Variants in KCNQ3 observed in about 807,000 individuals in gnomAD.
KCNQ3 encodes the protein potassium voltage-gated channel subfamily KQT member 3.
KCNQ3 carries 30 observed loss-of-function variants against 92.5 expected under a neutral mutation model. That is an observed-to-expected ratio of 0.32 (90% confidence interval 0.24 to 0.44). The LOEUF (loss-of-function observed/expected upper bound fraction) is 0.44. Among genes scored for constraint, KCNQ3 ranks in the 20% least tolerant of loss-of-function variants. The probability of loss-of-function intolerance (pLI) is 1.00; values close to 1 mark genes in which losing one functional copy is unlikely to be tolerated. For missense variants in KCNQ3, 913 were observed against 1,140.3 expected (o/e 0.80, Z 2.87); for synonymous variants, 450 against 468.8 (o/e 0.96, Z 0.52).
chr8:132,274,501 A>T (rs1816263028), intron 1 of KCNQ3, among the ~76,000 whole-genome samples: 1 of 152,232 alleles, frequency 6.6e-6, no homozygotes, highest in Non-Finnish European at 1.5e-5. Context: ...CTAAATGAGA[A>T]TATGTACTCT....
At chr8:132,406,718 A>AT (rs1175412530) in intron 1 of KCNQ3, among the ~76,000 whole-genome samples, 1 of 152,218 alleles carries the variant, frequency 6.6e-6, no homozygotes, top group East Asian at 1.9e-4. Context: ...CATCAGTTTA[A>AT]TAATAAGTCA....
At chr8:132,423,341 T>C (rs1238402773) in intron 1 of KCNQ3, among the ~76,000 whole-genome samples, 3 of 152,222 alleles carry the variant, frequency 2.0e-5, no homozygotes, top group African/African-American at 7.2e-5. Flanking sequence ...GTCCACATTC[T>C]AGCAACCTCT....
chr8:132,392,395 CTAAA>C (rs1820071710), intron 1 of KCNQ3, among the ~76,000 whole-genome samples: 3 of 152,202 alleles, frequency 2.0e-5, no homozygotes, highest in African/African-American at 7.2e-5. Flanking sequence ...TCTCCTCTTC[CTAAA>C]TCTTCCCCGG....
At chr8:132,370,734 G>T (rs1013172993) in intron 1 of KCNQ3, among the ~76,000 whole-genome samples, 3 of 151,996 alleles carry the variant, frequency 2.0e-5, no homozygotes, top group African/African-American at 7.3e-5. Context: ...TGGTACTATT[G>T]GAAATAATAA....
At chr8:132,250,069 G>A (rs1224836621) in intron 1 of KCNQ3, among the ~76,000 whole-genome samples, 1 of 152,174 alleles carries the variant, frequency 6.6e-6, no homozygotes, top group African/African-American at 2.4e-5. Context: ...AGAGGGAGCC[G>A]GCTCCAGCCT....
chr8:132,400,591 C>T (rs1297253588), intron 1 of KCNQ3, among the ~76,000 whole-genome samples: 1 of 152,226 alleles, frequency 6.6e-6, no homozygotes, highest in African/African-American at 2.4e-5. Context: ...TCCAGCCAGG[C>T]TTCTGAGGAA....
intron 1 of KCNQ3, among the ~76,000 whole-genome samples, chr8:132,417,501 G>A (rs553737857): frequency 1.3e-5 from 2 of 152,314 alleles, no homozygotes; most frequent in East Asian, 3.9e-4. Context: ...GATTTGGAGA[G>A]GCAAACAGAA....
intron 1 of KCNQ3, among the ~76,000 whole-genome samples, chr8:132,400,970 A>AGG (rs1820316603): frequency 6.6e-6 from 1 of 152,202 alleles, no homozygotes; most frequent in African/African-American, 2.4e-5. Flanking sequence ...TAATTCCCCT[A>AGG]GCCTTTGCAG....
chr8:132,216,153 C>T (rs1002315886), intron 1 of KCNQ3, among the ~76,000 whole-genome samples: 3 of 152,098 alleles, frequency 2.0e-5, no homozygotes, highest in African/African-American at 7.2e-5. Context: ...AAATGGAAGG[C>T]TTTACAGAGA....
intron 4 of KCNQ3, among the ~76,000 whole-genome samples, chr8:132,178,299 C>T (rs1023509859): frequency 6.6e-6 from 1 of 152,212 alleles, no homozygotes; most frequent in Non-Finnish European, 1.5e-5. Context: ...GCTCTGACCT[C>T]ACTGATTCTG....
chr8:132,412,680 G>C (rs1160114235), intron 1 of KCNQ3, among the ~76,000 whole-genome samples: 2 of 152,190 alleles, frequency 1.3e-5, no homozygotes, highest in Non-Finnish European at 2.9e-5. Flanking sequence ...GAGGCATGAT[G>C]ATGGCCCTGT....
In KCNQ3 at chr8:132,127,914, T is replaced by C. The variant is rs1360431783; in HGVS notation, c.*1348A>G. 6.6e-6 allele frequency: 1 copy of C among 152,196 alleles called. No individual in the cohort carries two copies. The highest frequency in any genetic ancestry group is 2.4e-5 in the African/African-American group (1 of 41,434). 9.4% of individuals were successfully genotyped at this position (152,196 alleles called of 1,614,324 possible). On this transcript the variant is annotated 3_prime_UTR_variant, in exon 15 of 15. Transcript: ENST00000388996. Reference sequence around the variant, plus strand: ...GGTTTTAGTATTTTCATTTAAAAAATCTGGGTTGGTTCCATAAATTTGGAA... The same window carrying C: ...GGTTTTAGTATTTTCATTTAAAAAACCTGGGTTGGTTCCATAAATTTGGAA...
intron 1 of KCNQ3, among the ~76,000 whole-genome samples, chr8:132,255,389 G>T (rs1481370789): frequency 6.6e-6 from 1 of 152,182 alleles, no homozygotes; most frequent in African/African-American, 2.4e-5. Flanking sequence ...AAACACTGCA[G>T]GTGCCTGAGC....
At chr8:132,306,302 T>C (rs562894415) in intron 1 of KCNQ3, among the ~76,000 whole-genome samples, 3 of 152,346 alleles carry the variant, frequency 2.0e-5, no homozygotes, top group Admixed American at 6.5e-5. Flanking sequence ...CATTCTGACT[T>C]TGCATTAAGC....
At chr8:132,251,541 G>A (rs910758398) in intron 1 of KCNQ3, among the ~76,000 whole-genome samples, 1 of 152,206 alleles carries the variant, frequency 6.6e-6, no homozygotes, top group African/African-American at 2.4e-5. Flanking sequence ...GATACTTTGT[G>A]TTTCTGATGT....
At chr8:132,302,380 G>C (rs954034928) in intron 1 of KCNQ3, among the ~76,000 whole-genome samples, 1 of 152,208 alleles carries the variant, frequency 6.6e-6, no homozygotes, top group Admixed American at 6.5e-5. Context: ...GCAGAGCAGT[G>C]GCTACTGCCA....
At chr8:132,395,144 CAAAT>C (rs1488069719) in intron 1 of KCNQ3, among the ~76,000 whole-genome samples, 4 of 152,114 alleles carry the variant, frequency 2.6e-5, no homozygotes, top group Non-Finnish European at 4.4e-5. Context: ...GTTTAATTGA[CAAAT>C]AATAATTGTA....
At chr8:132,161,594 T>C (rs564363917) in intron 9 of KCNQ3, among the ~76,000 whole-genome samples, 1 of 150,628 alleles carries the variant, frequency 6.6e-6, no homozygotes, top group Non-Finnish European at 1.5e-5. Flanking sequence ...ACTGTGCCAC[T>C]GCACTCCAGC....
chr8:132,303,877 CACA>C (rs1333668885), intron 1 of KCNQ3, among the ~76,000 whole-genome samples: 1 of 150,330 alleles, frequency 6.7e-6, no homozygotes, highest in Non-Finnish European at 1.5e-5. Flanking sequence ...CATATATATA[CACA>C]TATAATATTT....
Sources: allele counts gnomAD v4.1 joint callset (sites outside exome capture counted in the v4.1 genomes callset), GRCh38; gene constraint gnomAD v4.1.1; transcripts MANE v1.5; gene names NCBI Gene and HGNC (gene_info 2026-07-23, HGNC 2026-07-21).